The following IQGAP1 variants were observed in gnomAD, a reference collection of about 807,000 sequenced individuals.
The protein encoded by IQGAP1 is ras GTPase-activating-like protein IQGAP1.
A neutral mutation model predicts 215.6 loss-of-function variants in IQGAP1; 66 were observed. The observed-to-expected ratio is 0.31, with a 90% CI of 0.25 to 0.38. The LOEUF (loss-of-function observed/expected upper bound fraction) is 0.38. IQGAP1 is among the 10% of genes least tolerant of loss of function. IQGAP1 has a pLI of 1.00. For synonymous variants in IQGAP1, 772 were observed against 728.7 expected (o/e 1.06, Z -0.96); for missense variants, 1,712 against 1,997.1 (o/e 0.86, Z 2.72).
At chr15:90,403,747 C>T (rs989115002) in intron 2 of IQGAP1, among the ~76,000 whole-genome samples, 7 of 151,160 alleles carry the variant, frequency 4.6e-5, no homozygotes, top group South Asian at 4.2e-4. Flanking sequence ...GATCTCGGCT[C>T]ATTACAACCT....
chr15:90,489,340 C>A (rs1193674089), intron 33 of IQGAP1, among the ~76,000 whole-genome samples: 1 of 152,022 alleles, frequency 6.6e-6, no homozygotes, highest in Non-Finnish European at 1.5e-5. Flanking sequence ...GTTGGCCAGG[C>A]TGGTCTCAAA....
intron 37 of IQGAP1, 79 bp downstream of exon 37, chr15:90,497,419 C>T (rs1966287442): frequency 2.7e-6 from 2 of 747,032 alleles, no homozygotes; most frequent in Non-Finnish European, 4.8e-6. Context: ...AAAGAGGAGA[C>T]TCATCTGAGG....
chr15:90,418,270 G>A (rs956169467), intron 2 of IQGAP1, among the ~76,000 whole-genome samples: 1 of 151,786 alleles, frequency 6.6e-6, no homozygotes, highest in Non-Finnish European at 1.5e-5. Flanking sequence ...TTAAAAAATA[G>A]AATAAATATG....
rs1187760827 is a variant in IQGAP1 at position 90,449,559 on chromosome 15, A to G, written c.1078A>G (p.Ser360Gly). The G allele has an allele frequency of 6.2e-7, 1 of 1,611,394 alleles. No individual in the cohort carries two copies. Among genetic ancestry groups the G allele is most frequent in the South Asian group, 1.1e-5 (1 of 90,462 alleles). Residue 360 changes from serine to glycine, a missense_variant and splice_region_variant, in exon 11 of 38, where the codon AGT becomes GGT. Ser to Gly is a moderately conservative substitution (Grantham distance 56). Transcript: ENST00000268182. ...ACATAATTTTCTTTGCTTTGCTCAG[A>G]GTGGTCAGACTGACCCCCTGCAGAA... The part of the protein sequence containing the change: ...LLSDKQQKRQ[S>G]GQTDPLQKEE...
At chr15:90,453,322 C>T (rs188277450) in intron 13 of IQGAP1, 30 bp downstream of exon 13, 115 of 1,549,592 alleles carry the variant, frequency 7.4e-5, no homozygotes, top group Middle Eastern at 5.1e-4. Context: ...GGAATAAATC[C>T]ATTACGTAGC....
At chr15:90,404,606 A>ATT in intron 2 of IQGAP1, among the ~76,000 whole-genome samples, 1 of 147,024 alleles carries the variant, frequency 6.8e-6, no homozygotes. Flanking sequence ...TTGTCCTTTA[A>ATT]TTTTTTTTTT....
chr15:90,439,549 G>C (rs1965419411), intron 6 of IQGAP1, 150 bp downstream of exon 6: 1 of 550,568 alleles, frequency 1.8e-6, no homozygotes, highest in Non-Finnish European at 3.3e-6. Flanking sequence ...TCTAATGTGG[G>C]GTAAAGAACA....
chr15:90,473,081 C>A, intron 19 of IQGAP1, 71 bp downstream of exon 19: 1 of 1,407,878 alleles, frequency 7.1e-7, no homozygotes, highest in Non-Finnish European at 9.9e-7. Flanking sequence ...TCAGCTGTCA[C>A]CATTGACTGT....
At chr15:90,455,074 AAGAAG>A (rs1965660263) in intron 14 of IQGAP1, among the ~76,000 whole-genome samples, 1 of 152,212 alleles carries the variant, frequency 6.6e-6, no homozygotes, top group Admixed American at 6.5e-5. Flanking sequence ...GATCAGCTGA[AAGAAG>A]AGAATCATCA....
At position 90,469,963 on chromosome 15, in the gene IQGAP1, A is replaced by G. The variant is rs75931238; in HGVS notation, c.2178+2371A>G. Among the ~76,000 whole-genome samples, 1,313 of 152,238 alleles carry G rather than the reference A, an allele frequency of 8.6e-3. 38 individuals carry two copies. In the East Asian group the frequency reaches 0.11, roughly 12 times the overall value. On this transcript the variant is annotated intron_variant, in intron 18 of 37. Coordinates refer to ENST00000268182, the MANE Select transcript of IQGAP1 (RefSeq NM_003870.4). ...GCTTGAGGGCCTAATGTGCTGTGCT[A>G]AGGAATTCAGGGTACAACTTCTAGC...
intron 5 of IQGAP1, among the ~76,000 whole-genome samples, chr15:90,435,463 G>A (rs928960711): frequency 1.3e-5 from 2 of 152,202 alleles, no homozygotes; most frequent in Non-Finnish European, 2.9e-5. Flanking sequence ...ATGACAGAGC[G>A]AGACTCTGTC....
intron 5 of IQGAP1, 74 bp from the exon 6 acceptor site, chr15:90,439,258 C>T: frequency 9.7e-7 from 1 of 1,031,012 alleles, no homozygotes; most frequent in Admixed American, 1.8e-5. Context: ...ATACTTCATG[C>T]TGATTTTCGC....
At chr15:90,411,108 C>A (rs1161724204) in intron 2 of IQGAP1, among the ~76,000 whole-genome samples, 2 of 152,100 alleles carry the variant, frequency 1.3e-5, no homozygotes, top group African/African-American at 4.8e-5. Context: ...TATTGCCTAT[C>A]TAAGAAAATC....
At position 90,466,313 on chromosome 15, in the gene IQGAP1, G is replaced by A. The variant is rs1567135617; in HGVS notation, c.1912G>A (p.Asp638Asn). 4 of 1,614,062 alleles carry A rather than the reference G, an allele frequency of 2.5e-6. No individual in the cohort carries two copies. The highest frequency in any genetic ancestry group is 1.7e-5 in the Admixed American group (1 of 60,002). ...FAINEAVESG[D>N]VGKTLSALRS... Reference sequence around the variant, plus strand: ...CATTAATGAGGCAGTAGAAAGTGGTGATGTTGGCAAAACACTGAGTGCCCT... The same window carrying A: ...CATTAATGAGGCAGTAGAAAGTGGTAATGTTGGCAAAACACTGAGTGCCCT... Residue 638 changes from aspartate to asparagine, a missense_variant, in exon 17 of 38, where the codon GAT becomes AAT. Physicochemically the swap from Asp to Asn is conservative, Grantham distance 23 (BLOSUM62 1). Around this residue, in one of 2 missense-constraint regions of IQGAP1, gnomAD observed 1,021 missense variants for 1,074.2 expected, o/e 0.95. Transcript: ENST00000268182.
At chr15:90,447,108 T>C (rs752159163) in intron 9 of IQGAP1, among the ~76,000 whole-genome samples, 4 of 152,228 alleles carry the variant, frequency 2.6e-5, no homozygotes, top group Non-Finnish European at 4.4e-5. Context: ...ATTTGTTTTT[T>C]TCACAATTAT....
intron 36 of IQGAP1, among the ~76,000 whole-genome samples, chr15:90,496,306 C>CTTTTTTT (rs552222380): frequency 1.5e-4 from 16 of 106,116 alleles, no homozygotes; most frequent in African/African-American, 6.2e-4. Flanking sequence ...AGCATAATCC[C>CTTTTTTT]TTTTTTTTTT....
chr15:90,392,861 C>T (rs1322394671), intron 2 of IQGAP1, among the ~76,000 whole-genome samples: 1 of 149,656 alleles, frequency 6.7e-6, no homozygotes, highest in Non-Finnish European at 1.5e-5. Context: ...TCTCCTGCCT[C>T]AGCCTCCTGA....
intron 26 of IQGAP1, among the ~76,000 whole-genome samples, chr15:90,481,256 G>A (rs912850710): frequency 4.9e-5 from 7 of 142,622 alleles, no homozygotes; most frequent in Non-Finnish European, 1.1e-4. Context: ...GTGTACCAAA[G>A]CTCTCTCTGC....
intron 37 of IQGAP1, among the ~76,000 whole-genome samples, chr15:90,497,970 C>T (rs1966293799): frequency 6.6e-6 from 1 of 152,154 alleles, no homozygotes; most frequent in East Asian, 1.9e-4. Flanking sequence ...CTGCTTCACA[C>T]AGCCATGCCC....
Sources: gnomAD v4.1 joint callset for allele counts (sites outside exome capture counted in the v4.1 genomes callset) on GRCh38, gnomAD v4.1.1 for gene constraint, gnomAD v4.1.1 regional missense constraint, MANE v1.5 for transcripts, NCBI Gene and HGNC (gene_info 2026-07-23, HGNC 2026-07-21) for gene names.